The following PTPRD variants were observed in gnomAD, a reference collection of about 807,000 sequenced individuals.
PTPRD encodes the protein receptor-type tyrosine-protein phosphatase delta.
In PTPRD, 34 loss-of-function variants were observed where a neutral mutation model predicts 214.5. The ratio of observed to expected loss-of-function variants is 0.16; its 90% CI spans 0.12 to 0.21. PTPRD has a LOEUF of 0.21. Ranked by LOEUF, PTPRD falls within the 10% of genes least tolerant of loss-of-function variation. The pLI, the probability that PTPRD is intolerant of heterozygous loss-of-function variation, is 1.00. For synonymous variants in PTPRD, 1,128 were observed against 845.7 expected, an observed-to-expected ratio of 1.33 and a Z score of -5.79; for missense variants, 2,545 against 2,398.7, an observed-to-expected ratio of 1.06 and a Z score of -1.27.
chr9:10,296,595 C>T (rs901099777), intron 3 of PTPRD, among the ~76,000 whole-genome samples: 2 of 152,080 alleles, frequency 1.3e-5, no homozygotes, highest in Admixed American at 6.6e-5. Context: ...TCTTTCTTGT[C>T]AATACTCTAC....
At chr9:10,406,483 A>G (rs1180645008) in intron 2 of PTPRD, among the ~76,000 whole-genome samples, 1 of 151,576 alleles carries the variant, frequency 6.6e-6, no homozygotes, top group East Asian at 2.0e-4. Context: ...AAATCTTGAC[A>G]ACATTCTGAC....
chr9:10,299,889 T>A (rs1230699250), intron 3 of PTPRD, among the ~76,000 whole-genome samples: 3 of 152,168 alleles, frequency 2.0e-5, no homozygotes, highest in Admixed American at 6.5e-5. Flanking sequence ...ATAAAGTAAC[T>A]CACAATCAAA....
chr9:10,024,708 C>A (rs2096887609), intron 4 of PTPRD, among the ~76,000 whole-genome samples: 1 of 150,754 alleles, frequency 6.6e-6, no homozygotes, highest in Non-Finnish European at 1.5e-5. Context: ...TATACATGTG[C>A]CATGTTGGTG....
intron 5 of PTPRD, among the ~76,000 whole-genome samples, chr9:9,874,507 C>A (rs778592162): frequency 6.6e-6 from 1 of 152,010 alleles, no homozygotes; most frequent in African/African-American, 2.4e-5. Context: ...TGTAAGCGTG[C>A]CTTTCACCAA....
intron 10 of PTPRD, among the ~76,000 whole-genome samples, chr9:9,120,985 C>T (rs2099817069): frequency 2.0e-5 from 3 of 152,104 alleles, no homozygotes; most frequent in African/African-American, 7.2e-5. Context: ...TTAACTGTCA[C>T]AACAATGCTG....
At chr9:10,270,852 TA>T (rs1455248076) in intron 3 of PTPRD, among the ~76,000 whole-genome samples, 9 of 143,422 alleles carry the variant, frequency 6.3e-5, no homozygotes, top group African/African-American at 2.5e-4. Context: ...TTATTTTACT[TA>T]TTTTTTTATG....
intron 11 of PTPRD, among the ~76,000 whole-genome samples, chr9:9,011,371 C>G (rs1047086352): frequency 2.0e-5 from 3 of 151,958 alleles, no homozygotes; most frequent in Admixed American, 6.6e-5. Context: ...GAAAACAGAC[C>G]TATGGATAAA....
At chr9:9,276,255 G>A (rs1164442040) in intron 9 of PTPRD, among the ~76,000 whole-genome samples, 3 of 151,340 alleles carry the variant, frequency 2.0e-5, no homozygotes, top group African/African-American at 7.3e-5. Flanking sequence ...GCTGATTTCT[G>A]TCTTCTCCTG....
At chr9:10,190,619 G>A (rs1220687119) in intron 3 of PTPRD, among the ~76,000 whole-genome samples, 2 of 148,094 alleles carry the variant, frequency 1.4e-5, no homozygotes, top group East Asian at 2.0e-4. Flanking sequence ...TCGGGAGGCT[G>A]AGGCAGGATA....
chr9:9,892,251 A>G (rs1057025477), intron 5 of PTPRD, among the ~76,000 whole-genome samples: 10 of 152,132 alleles, frequency 6.6e-5, no homozygotes, highest in Admixed American at 3.9e-4. Context: ...ATATTTAAAT[A>G]AAATAGCCAG....
In PTPRD at chr9:9,868,454, A is replaced by T. The variant is rs532379617; in HGVS notation, c.-368+70053T>A. On this transcript the variant is annotated intron_variant, in intron 5 of 45. Coordinates refer to ENST00000381196, the MANE Select transcript of PTPRD (RefSeq NM_002839.4). The stretch of plus-strand genomic sequence containing the variant: ...AGTTATTGGTGTGAAAGAGCAAGTC[A>T]AAGATCAAAGTAGAATTTAAAGACA... Among the ~76,000 whole-genome samples, 3 of 152,288 alleles carry T rather than the reference A, an allele frequency of 2.0e-5. No individual in the cohort carries two copies. In the South Asian group the frequency reaches 6.2e-4, roughly 32 times the overall value.
At chr9:9,931,774 G>C (rs1057443265) in intron 5 of PTPRD, among the ~76,000 whole-genome samples, 1 of 151,824 alleles carries the variant, frequency 6.6e-6, no homozygotes, top group Non-Finnish European at 1.5e-5. Context: ...TCTGGGGGCA[G>C]GGCACAGACA....
intron 39 of PTPRD, among the ~76,000 whole-genome samples, chr9:8,360,747 G>C (rs2078263836): frequency 1.3e-5 from 2 of 152,106 alleles, no homozygotes; most frequent in South Asian, 4.1e-4. Context: ...AATTATCCAG[G>C]CTATGAAACA....
chr9:10,247,512 T>C (rs1475916798), intron 3 of PTPRD, among the ~76,000 whole-genome samples: 1 of 152,220 alleles, frequency 6.6e-6, no homozygotes, highest in Non-Finnish European at 1.5e-5. Context: ...TACCATATTC[T>C]CTAAATACTT....
rs969848993 is a variant in PTPRD at position 8,732,364 on chromosome 9, G to T, written c.64+1416C>A. Among the ~76,000 whole-genome samples, 2 of 152,028 alleles carry T rather than the reference G, an allele frequency of 1.3e-5. 1 individual carries two copies. The highest frequency in any genetic ancestry group is 4.2e-4 in the South Asian group (2 of 4,818). ...AAACTGGGCTCCCAGGGTCTAAATG[G>T]GCTTTTGCCAAAAATTAACAATGGT... On this transcript the variant is annotated intron_variant, in intron 12 of 45. Coordinates refer to ENST00000381196, the MANE Select transcript of PTPRD (RefSeq NM_002839.4).
At chr9:10,135,933 T>C (rs1321373381) in intron 3 of PTPRD, among the ~76,000 whole-genome samples, 1 of 143,248 alleles carries the variant, frequency 7.0e-6, no homozygotes, top group African/African-American at 2.6e-5. Flanking sequence ...CACAGAATTG[T>C]AAGTTGAATT....
intron 30 of PTPRD, among the ~76,000 whole-genome samples, chr9:8,471,934 G>C (rs1456579353): frequency 6.6e-6 from 1 of 152,060 alleles, no homozygotes; most frequent in Non-Finnish European, 1.5e-5. Context: ...AACTATACAA[G>C]GACTTTGAAC....
At chr9:8,403,673 C>T (rs1364315050) in intron 36 of PTPRD, among the ~76,000 whole-genome samples, 2 of 152,182 alleles carry the variant, frequency 1.3e-5, no homozygotes, top group Admixed American at 1.3e-4. Context: ...TAGGAACAAT[C>T]ATGCCCTCTG....
In PTPRD at chr9:8,507,354, C is replaced by T; in HGVS notation, c.1624G>A (p.Asp542Asn). ...ACCAGTTCATAGTTGGCAATGGTAT[C>T]TGAACGTGGAGGTGTCCAAGAGAGC... ...ILLSWTPPRS[D>N]TIANYELVYK... is the part of the protein sequence containing the mutation. Residue 542 changes from aspartate (D) to asparagine (N), a missense_variant, in exon 22 of 46, where the codon GAT becomes AAT. By Grantham distance (23) the Asp-to-Asn change is conservative. Coordinates refer to ENST00000381196, the MANE Select transcript of PTPRD (RefSeq NM_002839.4). 2 of 1,613,986 alleles carry T rather than the reference C, an allele frequency of 1.2e-6. No homozygotes were observed. The highest frequency in any genetic ancestry group is 1.7e-6 in the Non-Finnish European group (2 of 1,179,872).
Sources: allele counts gnomAD v4.1 joint callset (sites outside exome capture counted in the v4.1 genomes callset), GRCh38; gene constraint gnomAD v4.1.1; transcripts MANE v1.5; gene names NCBI Gene and HGNC (gene_info 2026-07-23, HGNC 2026-07-21).